The following MCC variants were observed in gnomAD, a reference collection of about 807,000 sequenced individuals.
MCC encodes the protein MCC regulator of Wnt signaling pathway.
A neutral mutation model predicts 116.2 loss-of-function variants in MCC; 90 were observed. The observed-to-expected ratio is 0.77, with a 90% CI of 0.65 to 0.92. MCC has a LOEUF of 0.92. Ranked by LOEUF, MCC falls within the 40% of genes least tolerant of loss-of-function variation. The pLI, the probability that MCC is intolerant of heterozygous loss-of-function variation, is 0.00. For synonymous variants in MCC, 578 were observed against 510.5 expected (o/e 1.13, Z -1.78); for missense variants, 1,516 against 1,312.2 (o/e 1.16, Z -2.40).
chr5:113,172,900 C>CA (rs1335755165), intron 3 of MCC, among the ~76,000 whole-genome samples: 1 of 151,866 alleles, frequency 6.6e-6, no homozygotes, highest in African/African-American at 2.4e-5. Flanking sequence ...AATTTGATTC[C>CA]AAAATAGTCT....
Position 113,385,967 on chromosome 5 carries a change from A to T in MCC, c.171-755T>A, listed in dbSNP as rs180971947. ...TAGAGTCTCAAATTTAAAAAAAGAA[A>T]AATAAAAAAGAATTTCAAAAAGAAT... is the stretch of plus-strand genomic sequence containing the variant. On this transcript the variant is annotated intron_variant, in intron 1 of 18. Coordinates refer to ENST00000408903, the MANE Select transcript of MCC (RefSeq NM_001085377.2). Among the ~76,000 whole-genome samples, 36 of 152,322 alleles carry T rather than the reference A, an allele frequency of 2.4e-4. No homozygotes were observed. In the East Asian group the frequency reaches 6.8e-3, roughly 29 times the overall value.
chr5:113,261,419 T>C lies in MCC; in HGVS notation c.627+79100A>G, dbSNP rs1562019. On this transcript the variant is annotated intron_variant, in intron 3 of 18. Transcript: ENST00000408903. The stretch of plus-strand genomic sequence containing the variant: ...TTAACTGGAAAATACAAACAAAACA[T>C]GTTTATATTACTATGGTATCAGCTG... Among the ~76,000 whole-genome samples, 891 of 152,280 alleles carry C rather than the reference T, an allele frequency of 5.9e-3. 10 individuals are homozygous for C. Among genetic ancestry groups the C allele is most frequent in the African/African-American group, 0.021 (859 of 41,550 alleles).
chr5:113,176,394 TGC>T, intron 3 of MCC, among the ~76,000 whole-genome samples: 1 of 152,250 alleles, frequency 6.6e-6, no homozygotes, highest in Non-Finnish European at 1.5e-5. Flanking sequence ...GCAGCTGTGC[TGC>T]CAACACTCAG....
intron 1 of MCC, among the ~76,000 whole-genome samples, chr5:113,487,832 A>C (rs1040571132): frequency 6.6e-6 from 1 of 152,178 alleles, no homozygotes; most frequent in Non-Finnish European, 1.5e-5. Context: ...TGGGGTGTCC[A>C]CCAAGCCGCC....
intron 3 of MCC, among the ~76,000 whole-genome samples, chr5:113,309,918 T>TTCCC (rs930570555): frequency 7.3e-4 from 110 of 149,996 alleles, no homozygotes; most frequent in African/African-American, 2.4e-3. Context: ...TCCTTCCTTC[T>TTCCC]TCCCTCCCTC....
intron 3 of MCC, among the ~76,000 whole-genome samples, chr5:113,167,488 A>G (rs999614994): frequency 5.9e-5 from 9 of 152,176 alleles, no homozygotes; most frequent in African/African-American, 1.9e-4. Context: ...CATCCCCAAA[A>G]TAACAGGCTA....
At chr5:113,197,333 G>T (rs1376056046) in intron 3 of MCC, among the ~76,000 whole-genome samples, 1 of 152,158 alleles carries the variant, frequency 6.6e-6, no homozygotes, top group South Asian at 2.1e-4. Flanking sequence ...GGCTAGGGGA[G>T]AGGATAGGTA....
intron 3 of MCC, among the ~76,000 whole-genome samples, chr5:113,305,301 T>C (rs557862244): frequency 6.6e-6 from 1 of 152,278 alleles, no homozygotes; most frequent in South Asian, 2.1e-4. Flanking sequence ...GAGCTCAAAC[T>C]TCCCCTTCTA....
At chr5:113,187,461 G>A (rs1444667700) in intron 3 of MCC, among the ~76,000 whole-genome samples, 1 of 152,104 alleles carries the variant, frequency 6.6e-6, no homozygotes, top group African/African-American at 2.4e-5. Flanking sequence ...AACTCACTGG[G>A]TTGTTCTGAG....
intron 3 of MCC, among the ~76,000 whole-genome samples, chr5:113,247,354 A>C (rs1044729336): frequency 3.9e-5 from 6 of 152,212 alleles, no homozygotes; most frequent in African/African-American, 1.4e-4. Flanking sequence ...CAGCACACAA[A>C]GGTAGACCTT....
chr5:113,467,657 G>C, intron 1 of MCC, among the ~76,000 whole-genome samples: 1 of 152,142 alleles, frequency 6.6e-6, no homozygotes, highest in Non-Finnish European at 1.5e-5. Flanking sequence ...GGATTGACTT[G>C]GCGACACGGG....
intron 3 of MCC, among the ~76,000 whole-genome samples, chr5:113,213,944 C>A (rs1490497296): frequency 6.6e-6 from 1 of 152,136 alleles, no homozygotes; most frequent in African/African-American, 2.4e-5. Context: ...TTTTTCTCCA[C>A]TTCCTAAGTC....
At chr5:113,173,089 T>C (rs1050406283) in intron 3 of MCC, among the ~76,000 whole-genome samples, 1 of 152,208 alleles carries the variant, frequency 6.6e-6, no homozygotes, top group Admixed American at 6.5e-5. Context: ...TCTTTCCCAG[T>C]GAACTGTTCG....
chr5:113,135,542 G>C (rs1758763501), intron 5 of MCC, among the ~76,000 whole-genome samples: 2 of 122,918 alleles, frequency 1.6e-5, no homozygotes, highest in African/African-American at 2.9e-5. Context: ...CTGGGTGACA[G>C]AGTGAGACTC....
In MCC at chr5:113,434,779, C is replaced by T; in HGVS notation, c.171-49567G>A. ...GCAGATTTTACTTTTGCATAGGAGCCCTCTCCTAAATTTATCCCCAGGAGG... is the reference window on the plus strand; with the variant it reads ...GCAGATTTTACTTTTGCATAGGAGCTCTCTCCTAAATTTATCCCCAGGAGG... On this transcript the variant is annotated intron_variant, in intron 1 of 18. Coordinates refer to ENST00000408903, the MANE Select transcript of MCC (RefSeq NM_001085377.2). This position sits in a 1 kb window ranked among gnomAD's most constrained non-coding sequence, Gnocchi z 4.2. 4 of 1,613,882 alleles carry T rather than the reference C, an allele frequency of 2.5e-6. No individual in the cohort carries two copies. Among genetic ancestry groups the T allele is most frequent in the Non-Finnish European group, 3.4e-6 (4 of 1,179,856 alleles).
chr5:113,064,128 T>C lies in MCC; in HGVS notation c.2069A>G (p.Lys690Arg), dbSNP rs758649266. The C allele has an allele frequency of 1.8e-5, 29 of 1,613,760 alleles. No homozygotes were observed. The highest frequency in any genetic ancestry group is 1.8e-4 in the East Asian group (8 of 44,890). The change falls in exon 14 of 19, where the codon AAG becomes AGG. Residue 690 changes from lysine (K) to arginine (R), a missense_variant. Physicochemically the swap from Lys to Arg is conservative, Grantham distance 26. Transcript: ENST00000408903. ...SGDENITQML[K>R]RAHDCRKTAE... ...TGTCTTCCGGCAGTCATGAGCTCGCTTGAGCATCTGAGTGATGTTTTCATC... is the reference window on the plus strand; with the variant it reads ...TGTCTTCCGGCAGTCATGAGCTCGCCTGAGCATCTGAGTGATGTTTTCATC...
chr5:113,155,109 T>G (rs1760098027), intron 3 of MCC, among the ~76,000 whole-genome samples: 1 of 152,204 alleles, frequency 6.6e-6, no homozygotes, highest in African/African-American at 2.4e-5. Context: ...CTTTTTTAGC[T>G]CCCAGTATGA....
intron 1 of MCC, among the ~76,000 whole-genome samples, chr5:113,403,521 A>G (rs766497403): frequency 2.4e-4 from 37 of 152,380 alleles, no homozygotes; most frequent in Non-Finnish European, 1.9e-4. Flanking sequence ...TTGTAGTACA[A>G]ATCATATCAC....
intron 1 of MCC, among the ~76,000 whole-genome samples, chr5:113,389,887 C>T (rs1039739980): frequency 6.6e-6 from 1 of 152,162 alleles, no homozygotes; most frequent in Admixed American, 6.5e-5. Flanking sequence ...TAATGCAGCA[C>T]ATGGGATGCT....
Sources: allele counts gnomAD v4.1 joint callset (sites outside exome capture counted in the v4.1 genomes callset), GRCh38; gene constraint gnomAD v4.1.1; non-coding constraint Gnocchi (gnomAD v3.1); transcripts MANE v1.5; gene names NCBI Gene and HGNC (gene_info 2026-07-23, HGNC 2026-07-21).